Variants in SYNE2 observed in about 807,000 individuals in gnomAD.
SYNE2 encodes nesprin-2.
A neutral mutation model predicts 856.3 loss-of-function variants in SYNE2; 431 were observed. The observed-to-expected ratio is 0.50, with a 90% CI of 0.47 to 0.55. SYNE2 has a LOEUF of 0.55. Ranked by LOEUF, SYNE2 falls within the 20% of genes least tolerant of loss-of-function variation. The pLI, the probability that SYNE2 is intolerant of heterozygous loss-of-function variation, is 0.00. For missense variants in SYNE2, 8,129 were observed against 8,023.2 expected (o/e 1.01, Z -0.50); for synonymous variants, 2,923 against 2,872.3 (o/e 1.02, Z -0.56).
intron 100 of SYNE2, 51 bp downstream of exon 100, chr14:64,203,014 CACTG>C (rs1378996474): frequency 1.2e-6 from 2 of 1,605,030 alleles, no homozygotes; most frequent in Admixed American, 1.7e-5. Flanking sequence ...CCGCGATATG[CACTG>C]ACTGAGGCCT....
At chr14:63,946,021 A>G (rs1436937048) in intron 6 of SYNE2, among the ~76,000 whole-genome samples, 3 of 152,176 alleles carry the variant, frequency 2.0e-5, no homozygotes, top group Admixed American at 6.5e-5. Flanking sequence ...GGTTGTTCCA[A>G]TTTATACTCA....
intron 1 of SYNE2, among the ~76,000 whole-genome samples, chr14:63,799,375 T>C (rs1595120540): frequency 6.6e-6 from 1 of 150,440 alleles, no homozygotes; most frequent in South Asian, 2.1e-4. Context: ...CACAGCACCC[T>C]GCCAATAAAT....
At position 64,209,432 on chromosome 14, in the gene SYNE2, G is replaced by A; in HGVS notation, c.18394G>A (p.Glu6132Lys). 8 of 1,614,230 alleles carry A rather than the reference G, an allele frequency of 5.0e-6. No homozygotes were observed. The highest frequency in any genetic ancestry group is 6.8e-6 in the Non-Finnish European group (8 of 1,180,044). Residue 6132 changes from glutamate to lysine, a missense_variant, in exon 102 of 116, where the codon GAG (glutamate) becomes AAG (lysine). Glu to Lys is a moderately conservative substitution (Grantham distance 56). Around this residue, in one of 3 missense-constraint regions of SYNE2, gnomAD observed 5,410 missense variants for 5,284.8 expected, o/e 1.02. Transcript: ENST00000555002. ...AMSMERRMKI[E>K]ETWRLWQKFL... is the part of the protein sequence containing the mutation. ...AAGTTGCTTTGCTCCCATCAGAATC[G>A]AGGAGACGTGGCGCCTGTGGCAGAA...
intron 88 of SYNE2, chr14:64,162,748 TAATG>T (rs2098338857): frequency 3.9e-6 from 1 of 257,038 alleles, no homozygotes; most frequent in South Asian, 5.1e-5. Flanking sequence ...CTATTATTGT[TAATG>T]AACGCTCAGA....
At chr14:63,974,587 C>T (rs1011361188) in intron 11 of SYNE2, among the ~76,000 whole-genome samples, 1 of 151,578 alleles carries the variant, frequency 6.6e-6, no homozygotes, top group East Asian at 1.9e-4. Flanking sequence ...GAGATGGAGT[C>T]TCGCTCTGTT....
intron 1 of SYNE2, among the ~76,000 whole-genome samples, chr14:63,875,042 T>A (rs1213619566): frequency 6.6e-6 from 1 of 151,066 alleles, no homozygotes. Context: ...TTCAAACCTC[T>A]GATTTTTTTT....
intron 63 of SYNE2, among the ~76,000 whole-genome samples, chr14:64,101,305 A>G (rs2097727360): frequency 6.6e-6 from 1 of 151,980 alleles, no homozygotes; most frequent in Non-Finnish European, 1.5e-5. Flanking sequence ...TATCTTTTTT[A>G]TATAAGCCAT....
Position 64,168,933 on chromosome 14 carries a change from G to C in SYNE2, c.16962G>C (p.Gln5654His), listed in dbSNP as rs2098396973. 6.2e-7 allele frequency: 1 copy of C among 1,613,978 alleles called. No individual in the cohort carries two copies. The highest frequency in any genetic ancestry group is 1.3e-5 in the African/African-American group (1 of 74,920). Residue 5654 changes from glutamine (Q) to histidine (H), a missense_variant, in exon 93 of 116, where the codon CAG (glutamine) becomes CAC (histidine). Physicochemically the swap from Gln to His is conservative, Grantham distance 24 (BLOSUM62 0). Transcript: ENST00000555002. ...CAATTGCTGATTCCTATGTCACCCAGTCCTTACAACTCCTGGACACAACAG... is the reference window on the plus strand; with the variant it reads ...CAATTGCTGATTCCTATGTCACCCACTCCTTACAACTCCTGGACACAACAG... ...NQTIADSYVT[Q>H]SLQLLDTTEI...
chr14:64,105,875 C>T (rs780821499), intron 64 of SYNE2, among the ~76,000 whole-genome samples: 3 of 151,854 alleles, frequency 2.0e-5, no homozygotes, highest in Admixed American at 6.6e-5. Context: ...GCCTGGGCAA[C>T]ATAGTGAAAC....
intron 97 of SYNE2, 40 bp from the exon 98 acceptor site, chr14:64,188,510 C>T (rs1185529103): frequency 3.1e-6 from 5 of 1,613,484 alleles, no homozygotes; most frequent in Non-Finnish European, 4.2e-6. Flanking sequence ...TGCTTTCCTT[C>T]CTGGCTATAC....
At chr14:64,112,791 A>G (rs2097821830) in intron 65 of SYNE2, among the ~76,000 whole-genome samples, 1 of 152,232 alleles carries the variant, frequency 6.6e-6, no homozygotes, top group Non-Finnish European at 1.5e-5. Flanking sequence ...GGAAAAATTT[A>G]GATAAGTAAT....
Position 64,208,748 on chromosome 14 carries a change from G to C in SYNE2, c.18202-10G>C, listed in dbSNP as rs754429236. The stretch of plus-strand genomic sequence containing the variant: ...ATCTCAAGAGGTTTCTTACTCTGTT[G>C]TAATCACAGGATCTACAGCGAGATA... On this transcript the variant is annotated splice_polypyrimidine_tract_variant and intron_variant, in intron 100 of 115. Transcript: ENST00000555002. 24 of 1,614,090 alleles carry C rather than the reference G, an allele frequency of 1.5e-5. No homozygotes were observed. The highest frequency in any genetic ancestry group is 1.9e-5 in the Non-Finnish European group (23 of 1,180,036).
At chr14:64,121,095 A>C (rs747135140) in intron 68 of SYNE2, 34 bp downstream of exon 68, 2 of 1,613,368 alleles carry the variant, frequency 1.2e-6, no homozygotes, top group Non-Finnish European at 1.7e-6. Flanking sequence ...TAGGGACTAG[A>C]ATATAACTTT....
Position 63,954,657 on chromosome 14 carries a change from G to T in SYNE2, c.591-62G>T, listed in dbSNP as rs2096217050. 5 of 1,438,030 alleles carry T rather than the reference G, an allele frequency of 3.5e-6. No individual in the cohort carries two copies. The East Asian group carries it at 9.2e-5, about 26-fold the overall frequency. The allele number at this position is 1,438,030 out of a possible 1,614,324, so 89.1% of individuals were successfully genotyped here. A position where few individuals can be genotyped will look rare whatever the true frequency, so the allele number is the denominator to read the frequency against. ...CAAATTTTAATTACTATTGAATATA[G>T]TGGAGGGGGGTGTTACGTTCTTTTT... On this transcript the variant is annotated intron_variant, in intron 7 of 115. Transcript: ENST00000555002.
intron 84 of SYNE2, among the ~76,000 whole-genome samples, chr14:64,151,415 G>A (rs866642057): frequency 2.9e-5 from 2 of 69,014 alleles, no homozygotes; most frequent in African/African-American, 6.5e-5. Flanking sequence ...TTCTTACAAA[G>A]GATTTAAAAA....
At chr14:63,799,824 C>T (rs1417355419) in intron 1 of SYNE2, among the ~76,000 whole-genome samples, 2 of 152,164 alleles carry the variant, frequency 1.3e-5, no homozygotes, top group Non-Finnish European at 2.9e-5. Flanking sequence ...TGAACTTTCA[C>T]TTTTATAATA....
chr14:64,098,382 A>T (rs2097694429), intron 62 of SYNE2: 1 of 609,682 alleles, frequency 1.6e-6, no homozygotes, highest in African/African-American at 1.8e-5. Context: ...ACATGCTTAT[A>T]AAATTTCACA....
At chr14:64,110,517 A>C (rs2097797024) in intron 65 of SYNE2, among the ~76,000 whole-genome samples, 1 of 150,320 alleles carries the variant, frequency 6.7e-6, no homozygotes, top group African/African-American at 2.5e-5. Flanking sequence ...GCTAGCTATT[A>C]TTAATTTACA....
intron 1 of SYNE2, chr14:63,762,240 C>G: frequency 4.7e-6 from 1 of 211,086 alleles, no homozygotes. Flanking sequence ...TCAGACCAGC[C>G]TTGACCAACA....
Sources: allele counts gnomAD v4.1 joint callset (sites outside exome capture counted in the v4.1 genomes callset), GRCh38; gene constraint gnomAD v4.1.1; regional missense constraint gnomAD v4.1.1; transcripts MANE v1.5; gene names NCBI Gene and HGNC (gene_info 2026-07-23, HGNC 2026-07-21).